The following PLEKHF2 variants were observed in gnomAD, a reference collection of about 807,000 sequenced individuals.
PLEKHF2 encodes pleckstrin homology domain-containing family F member 2.
In PLEKHF2, 4 loss-of-function variants were observed where a neutral mutation model predicts 14.7. That is an observed-to-expected ratio of 0.27 (90% confidence interval 0.13 to 0.62). The LOEUF (loss-of-function observed/expected upper bound fraction) is 0.62. PLEKHF2 is among the 20% of genes least tolerant of loss of function. The pLI is 0.85. For missense variants in PLEKHF2, 201 were observed against 307.7 expected, an observed-to-expected ratio of 0.65 and a Z score of 2.60; for synonymous variants, 90 against 103.5, an observed-to-expected ratio of 0.87 and a Z score of 0.79.
Position 95,154,725 on chromosome 8 carries a change from C to T in PLEKHF2, c.681C>T (p.Tyr227=). The change falls in exon 2 of 2, where the codon TAC becomes TAT. Residue 227 remains tyrosine (Y), a synonymous_variant. Transcript: ENST00000315367. This position sits in a 1 kb window ranked among gnomAD's most constrained non-coding sequence, Gnocchi z 5.6. The stretch of plus-strand genomic sequence containing the variant: ...GCCAGCCTGCTAGATCAGACTCTTA[C>T]AGCCAGTCATTGAAGTCTCCTTTAA... ...ATCQPARSDS[Y]SQSLKSPLND... 6.2e-7 allele frequency: 1 copy of T among 1,614,120 alleles called. No homozygotes were observed. The highest frequency in any genetic ancestry group is 8.5e-7 in the Non-Finnish European group (1 of 1,179,986).
chr8:95,155,645 A>G lies in PLEKHF2; in HGVS notation c.*851A>G, dbSNP rs569373624. 624 of 167,198 alleles carry G rather than the reference A, an allele frequency of 3.7e-3. 1 individual carries two copies. Among genetic ancestry groups the G allele is most frequent in the Non-Finnish European group, 6.8e-3 (465 of 68,086 alleles). The allele number at this position is 167,198 out of a possible 1,614,324, so 10.4% of individuals were successfully genotyped here. ...CATTAGCTTCTACCTTTAGTAAGACATATTTTTTAGGTATAAATTCTTATG... is the reference window on the plus strand; with the variant it reads ...CATTAGCTTCTACCTTTAGTAAGACGTATTTTTTAGGTATAAATTCTTATG... On this transcript the variant is annotated 3_prime_UTR_variant, in exon 2 of 2. Transcript: ENST00000315367.
At position 95,154,725 on chromosome 8, in the gene PLEKHF2, C is replaced by G; in HGVS notation, c.681C>G (p.Tyr227Ter). The G allele has an allele frequency of 6.2e-7, 1 of 1,614,120 alleles. No homozygotes were observed. The highest frequency in any genetic ancestry group is 8.5e-7 in the Non-Finnish European group (1 of 1,179,986). ...GCCAGCCTGCTAGATCAGACTCTTA[C>G]AGCCAGTCATTGAAGTCTCCTTTAA... The part of the protein sequence containing the change: ...ATCQPARSDS[Y>*]SQSLKSPLND... The change falls in exon 2 of 2, where the codon TAC becomes TAG. Residue 227 changes from tyrosine (Y) to a stop codon, truncating the protein, a stop_gained. Coordinates refer to ENST00000315367, the MANE Select transcript of PLEKHF2 (RefSeq NM_024613.4). LOFTEE classifies it high-confidence loss of function. This position sits in a 1 kb window ranked among gnomAD's most constrained non-coding sequence, Gnocchi z 5.6.
At chr8:95,136,375 T>C (rs13264467) in intron 1 of PLEKHF2, among the ~76,000 whole-genome samples, 16,099 of 137,922 alleles carry the variant, frequency 0.12, 1,095 homozygotes, top group Non-Finnish European at 0.15. Context: ...CACACACACA[T>C]GTTTTGTTGT....
intron 1 of PLEKHF2, among the ~76,000 whole-genome samples, chr8:95,138,356 C>CCCG (rs1810401447): frequency 1.8e-5 from 1 of 55,238 alleles, no homozygotes; most frequent in Non-Finnish European, 3.0e-5. Context: ...TTCATCTTCC[C>CCCG]CCCCCCCCCG....
At chr8:95,153,201 C>T (rs1349989336) in intron 1 of PLEKHF2, among the ~76,000 whole-genome samples, 1 of 152,056 alleles carries the variant, frequency 6.6e-6, no homozygotes, top group Non-Finnish European at 1.5e-5. Context: ...GGATAGCTCA[C>T]AGGAAGGGTT....
rs777195466 is a variant in PLEKHF2, at chr8:95,155,460, C to T, written c.*666C>T. On this transcript the variant is annotated 3_prime_UTR_variant, in exon 2 of 2. Transcript: ENST00000315367. ...AACTAAGTTTGGAGGTATTTTCACT[C>T]TATATGAATAAATATTTTTCCATAA... The T allele has an allele frequency of 1.2e-5, 2 of 166,884 alleles. No homozygotes were observed. Among genetic ancestry groups the T allele is most frequent in the African/African-American group, 2.4e-5 (1 of 41,430 alleles). 10.3% of individuals were successfully genotyped at this position (166,884 alleles called of 1,614,324 possible).
At chr8:95,145,209 A>G (rs1810484046) in intron 1 of PLEKHF2, among the ~76,000 whole-genome samples, 1 of 152,142 alleles carries the variant, frequency 6.6e-6, no homozygotes, top group African/African-American at 2.4e-5. Context: ...ATGTTTCTCA[A>G]TCCAGTTTTA....
At position 95,155,361 on chromosome 8, in the gene PLEKHF2, C is replaced by T. The variant is rs902756305; in HGVS notation, c.*567C>T. The T allele has an allele frequency of 6.0e-5, 10 of 167,462 alleles. No homozygotes were observed. Among genetic ancestry groups the T allele is most frequent in the African/African-American group, 2.2e-4 (9 of 41,422 alleles). The allele number at this position is 167,462 out of a possible 1,614,324, so 10.4% of individuals were successfully genotyped here. ...GGTTTGTTGAAAAAATACACTGGTG[C>T]TCTTTGAAGTGATAAAATGAGTGTT... On this transcript the variant is annotated 3_prime_UTR_variant, in exon 2 of 2. Coordinates refer to ENST00000315367, the MANE Select transcript of PLEKHF2 (RefSeq NM_024613.4).
chr8:95,136,329 TATATACACACACACAC>T (rs1421718862), intron 1 of PLEKHF2, among the ~76,000 whole-genome samples: 2 of 63,018 alleles, frequency 3.2e-5, no homozygotes, highest in Non-Finnish European at 6.4e-5. Context: ...GTTTTTATTA[TATATACACACACACAC>T]ACACACACAC....
intron 1 of PLEKHF2, among the ~76,000 whole-genome samples, chr8:95,153,031 T>TA (rs1810579175): frequency 1.3e-5 from 2 of 152,310 alleles, no homozygotes; most frequent in Admixed American, 6.5e-5. Flanking sequence ...TGCACATTGT[T>TA]AAAATGTTAT....
intron 1 of PLEKHF2, among the ~76,000 whole-genome samples, chr8:95,153,426 A>G (rs1386378124): frequency 6.6e-6 from 1 of 152,180 alleles, no homozygotes; most frequent in East Asian, 1.9e-4. Context: ...AAGTAATGAA[A>G]GGCCGTGAAC....
intron 1 of PLEKHF2, among the ~76,000 whole-genome samples, chr8:95,135,171 G>A (rs1253506784): frequency 6.6e-6 from 1 of 152,162 alleles, no homozygotes; most frequent in African/African-American, 2.4e-5. Flanking sequence ...AACTAGTATA[G>A]TGACTAAGCT....
intron 1 of PLEKHF2, among the ~76,000 whole-genome samples, chr8:95,137,210 T>G (rs1810385010): frequency 6.6e-6 from 1 of 152,254 alleles, no homozygotes; most frequent in African/African-American, 2.4e-5. Context: ...TGCCTCAGTG[T>G]TAGCGTGAGG....
At chr8:95,135,370 G>A (rs1017775840) in intron 1 of PLEKHF2, among the ~76,000 whole-genome samples, 1 of 152,134 alleles carries the variant, frequency 6.6e-6, no homozygotes, top group Non-Finnish European at 1.5e-5. Flanking sequence ...ATATTTGATT[G>A]TCAATTTCTT....
chr8:95,153,260 T>C, intron 1 of PLEKHF2, among the ~76,000 whole-genome samples: 1 of 152,270 alleles, frequency 6.6e-6, no homozygotes, highest in Middle Eastern at 3.4e-3. Context: ...GAGACACGAT[T>C]ACCTAAACTA....
intron 1 of PLEKHF2, among the ~76,000 whole-genome samples, chr8:95,149,838 T>G (rs186818684): frequency 6.6e-6 from 1 of 152,198 alleles, no homozygotes; most frequent in African/African-American, 2.4e-5. Flanking sequence ...TCTCTTCTGC[T>G]TCCTCCCCTC....
rs913603940 is a variant in PLEKHF2, at chr8:95,134,207, C to T, written c.-15+177C>T. 21 of 149,738 alleles carry T rather than the reference C, an allele frequency of 1.4e-4. No homozygotes were observed. In the East Asian group the frequency reaches 2.2e-3, roughly 15 times the overall value. The allele number at this position is 149,738 out of a possible 1,614,324, so 9.3% of individuals were successfully genotyped here. ...GGGTCTGTGAGAAACGGGGCGCTCCCGGCCGCTCCCCTCGCGCCGGGGCCG... is the reference window on the plus strand; with the variant it reads ...GGGTCTGTGAGAAACGGGGCGCTCCTGGCCGCTCCCCTCGCGCCGGGGCCG... On this transcript the variant is annotated intron_variant, in intron 1 of 1. Coordinates refer to ENST00000315367, the MANE Select transcript of PLEKHF2 (RefSeq NM_024613.4).
chr8:95,136,331 T>TACAC (rs1490601825), intron 1 of PLEKHF2, among the ~76,000 whole-genome samples: 2,414 of 107,682 alleles, frequency 0.022, 51 homozygotes, highest in African/African-American at 0.086. Context: ...TTTTATTATA[T>TACAC]ATACACACAC....
intron 1 of PLEKHF2, among the ~76,000 whole-genome samples, chr8:95,149,290 C>T (rs1268261663): frequency 1.3e-5 from 2 of 152,134 alleles, no homozygotes; most frequent in Non-Finnish European, 1.5e-5. Flanking sequence ...CCTTTTTGTA[C>T]TACTCAGTCT....
Sources: gnomAD v4.1 joint callset for allele counts (sites outside exome capture counted in the v4.1 genomes callset) on GRCh38, gnomAD v4.1.1 for gene constraint, Gnocchi (gnomAD v3.1) non-coding constraint, MANE v1.5 for transcripts, NCBI Gene and HGNC (gene_info 2026-07-23, HGNC 2026-07-21) for gene names.